The following SEMA3A variants were observed in gnomAD, a reference collection of about 807,000 sequenced individuals.
The protein encoded by SEMA3A is semaphorin-3A.
In SEMA3A, 29 loss-of-function variants were observed where a neutral mutation model predicts 97.9. That is an observed-to-expected ratio of 0.30 (90% CI 0.22 to 0.40). SEMA3A has a LOEUF of 0.40. SEMA3A is among the 10% of genes least tolerant of loss of function. The pLI is 1.00. For missense variants in SEMA3A, 763 were observed against 951.3 expected, an observed-to-expected ratio of 0.80 and a Z score of 2.60; for synonymous variants, 321 against 323.7, an observed-to-expected ratio of 0.99 and a Z score of 0.09.
chr7:84,224,237 T>C (rs1798940678), intron 3 of SEMA3A, among the ~76,000 whole-genome samples: 1 of 151,986 alleles, frequency 6.6e-6, no homozygotes. Context: ...GAGATGACAC[T>C]CATAAATCAA....
At chr7:84,385,542 G>T (rs1803376423) in intron 1 of SEMA3A, among the ~76,000 whole-genome samples, 1 of 152,100 alleles carries the variant, frequency 6.6e-6, no homozygotes, top group Non-Finnish European at 1.5e-5. Context: ...TCTTCATTAT[G>T]AACCTGGAAC....
intron 2 of SEMA3A, among the ~76,000 whole-genome samples, chr7:84,338,861 T>C (rs1456271526): frequency 6.6e-6 from 1 of 152,208 alleles, no homozygotes; most frequent in Non-Finnish European, 1.5e-5. Flanking sequence ...TTAAGTGAAC[T>C]TGTTTTAATC....
intron 2 of SEMA3A, among the ~76,000 whole-genome samples, chr7:84,341,673 C>G (rs1028397431): frequency 6.6e-6 from 1 of 152,108 alleles, no homozygotes; most frequent in African/African-American, 2.4e-5. Flanking sequence ...TTCGTCATCT[C>G]AAACCTGGAT....
chr7:84,117,727 A>G (rs1416033690), intron 3 of SEMA3A, among the ~76,000 whole-genome samples: 1 of 152,142 alleles, frequency 6.6e-6, no homozygotes, highest in African/African-American at 2.4e-5. Flanking sequence ...TCTTCCATGA[A>G]ACCAGTCCCC....
intron 1 of SEMA3A, among the ~76,000 whole-genome samples, chr7:84,160,247 A>G (rs548246474): frequency 6.8e-6 from 1 of 147,084 alleles, no homozygotes; most frequent in Admixed American, 6.8e-5. Flanking sequence ...CTATCTATCT[A>G]TCTATCTATC....
chr7:84,298,210 A>G (rs781244795), intron 3 of SEMA3A, among the ~76,000 whole-genome samples: 2 of 152,188 alleles, frequency 1.3e-5, no homozygotes, highest in Non-Finnish European at 2.9e-5. Context: ...ACATATTGCC[A>G]TCATTCATAA....
At position 84,065,965 on chromosome 7, in the gene SEMA3A, A is replaced by C. The variant is rs1302836611; in HGVS notation, c.454-5407T>G. On this transcript the variant is annotated intron_variant, in intron 4 of 16. Transcript: ENST00000265362. ...TACCAAAGCCAGGCAGAGACACAAC[A>C]AAAAAAGAGAATTTTAGACCAATAT... 8.4e-3 allele frequency among the ~76,000 whole-genome samples: 1,268 copies of C among 150,676 alleles called. 14 individuals carry two copies. The highest frequency in any genetic ancestry group is 0.024 in the Middle Eastern group (7 of 292).
At chr7:84,193,910 T>C (rs1295764585) in intron 1 of SEMA3A, among the ~76,000 whole-genome samples, 1 of 152,196 alleles carries the variant, frequency 6.6e-6, no homozygotes, top group Non-Finnish European at 1.5e-5. Flanking sequence ...CAGTCTTTTG[T>C]ACAATCATAA....
chr7:84,464,643 A>G (rs1805945335), intron 1 of SEMA3A, among the ~76,000 whole-genome samples: 1 of 152,206 alleles, frequency 6.6e-6, no homozygotes. Flanking sequence ...AATCCATAAA[A>G]AAGTTTTAAG....
intron 1 of SEMA3A, among the ~76,000 whole-genome samples, chr7:84,393,983 T>C (rs1803658424): frequency 6.6e-6 from 1 of 152,104 alleles, no homozygotes; most frequent in Admixed American, 6.6e-5. Context: ...CAAAGAAGAA[T>C]TTTGCTGAGG....
intron 1 of SEMA3A, among the ~76,000 whole-genome samples, chr7:84,421,998 C>G (rs1353837734): frequency 6.6e-6 from 1 of 151,926 alleles, no homozygotes; most frequent in African/African-American, 2.4e-5. Context: ...TGTGTCTCTG[C>G]CAGGTTTTGG....
intron 3 of SEMA3A, among the ~76,000 whole-genome samples, chr7:84,301,306 A>G (rs1354212160): frequency 6.6e-6 from 1 of 152,154 alleles, no homozygotes; most frequent in African/African-American, 2.4e-5. Flanking sequence ...ACAGAATGGT[A>G]GAAAATATTC....
chr7:84,384,524 T>C (rs1163026594), intron 1 of SEMA3A, among the ~76,000 whole-genome samples: 1 of 152,180 alleles, frequency 6.6e-6, no homozygotes, highest in Non-Finnish European at 1.5e-5. Flanking sequence ...TGTCAGAGAC[T>C]GAATACAACA....
chr7:84,406,851 A>C (rs1804105264), intron 1 of SEMA3A, among the ~76,000 whole-genome samples: 1 of 152,088 alleles, frequency 6.6e-6, no homozygotes, highest in South Asian at 2.1e-4. Context: ...AAATTCAACA[A>C]TACTTCGTGA....
chr7:84,242,951 A>G (rs940058502), intron 3 of SEMA3A, among the ~76,000 whole-genome samples: 1 of 152,096 alleles, frequency 6.6e-6, no homozygotes, highest in African/African-American at 2.4e-5. Context: ...TGATTGGATT[A>G]TGTTTATTGA....
intron 2 of SEMA3A, among the ~76,000 whole-genome samples, chr7:84,329,445 A>AT (rs920291731): frequency 6.6e-6 from 1 of 151,978 alleles, no homozygotes; most frequent in Non-Finnish European, 1.5e-5. Flanking sequence ...GTGTTAATAT[A>AT]TTTTATATGT....
chr7:84,429,550 CGA>C (rs202072224), intron 1 of SEMA3A, among the ~76,000 whole-genome samples: 1,699 of 58,442 alleles, frequency 0.029, 21 homozygotes, highest in Non-Finnish European at 0.043. Flanking sequence ...ATATATATAG[CGA>C]GAGAGAGAGA....
At chr7:84,424,000 T>G (rs1271053691) in intron 1 of SEMA3A, among the ~76,000 whole-genome samples, 1 of 151,878 alleles carries the variant, frequency 6.6e-6, no homozygotes, top group African/African-American at 2.4e-5. Flanking sequence ...CAATAGATGT[T>G]GGCATGAATG....
chr7:84,155,126 G>T (rs1005622198), intron 1 of SEMA3A, among the ~76,000 whole-genome samples: 1 of 152,046 alleles, frequency 6.6e-6, no homozygotes, highest in East Asian at 1.9e-4. Context: ...CTAAGTCGAG[G>T]TTTTCTCCTC....
Sources: allele counts gnomAD v4.1 joint callset (sites outside exome capture counted in the v4.1 genomes callset), GRCh38; gene constraint gnomAD v4.1.1; transcripts MANE v1.5; gene names NCBI Gene and HGNC (gene_info 2026-07-23, HGNC 2026-07-21).